CUBN: variants seen among roughly 807,000 people sequenced by gnomAD.
The protein encoded by CUBN is cubilin.
A neutral mutation model predicts 405.3 loss-of-function variants in CUBN; 282 were observed. That is an observed-to-expected ratio of 0.70 (90% confidence interval 0.63 to 0.77). CUBN has a LOEUF of 0.77. Ranked by LOEUF, CUBN falls within the 30% of genes least tolerant of loss-of-function variation. The probability of loss-of-function intolerance (pLI) is 0.00; values close to 1 mark genes in which losing one functional copy is unlikely to be tolerated. For missense variants in CUBN, 4,514 were observed against 4,475.2 expected (o/e 1.01, Z -0.25); for synonymous variants, 1,684 against 1,617.0 (o/e 1.04, Z -0.99).
intron 4 of CUBN, among the ~76,000 whole-genome samples, chr10:17,125,039 C>T (rs1206886191): frequency 6.6e-6 from 1 of 151,740 alleles, no homozygotes; most frequent in African/African-American, 2.4e-5. Context: ...ACCATGTTGA[C>T]CAGGCTGATC....
intron 47 of CUBN, 100 bp downstream of exon 47, chr10:16,914,932 T>G: frequency 2.0e-6 from 2 of 1,019,558 alleles, no homozygotes; most frequent in Non-Finnish European, 3.0e-6. Flanking sequence ...ATAGGGGTCA[T>G]GTTTTGTTTT....
intron 54 of CUBN, among the ~76,000 whole-genome samples, chr10:16,892,048 C>T (rs1438050372): frequency 6.6e-6 from 1 of 152,144 alleles, no homozygotes; most frequent in Non-Finnish European, 1.5e-5. Context: ...GGATATTCCT[C>T]ACCCACAGCA....
chr10:16,884,720 C>T (rs1422857454), intron 56 of CUBN, among the ~76,000 whole-genome samples: 1 of 152,126 alleles, frequency 6.6e-6, no homozygotes, highest in Non-Finnish European at 1.5e-5. Context: ...CATGGTAAAA[C>T]CCTCCCTAAG....
rs1180577324 is a variant in CUBN at position 17,071,973 on chromosome 10, T to C, written c.2302-2A>G. On this transcript the variant is annotated splice_acceptor_variant, in intron 17 of 66. Coordinates refer to ENST00000377833, the MANE Select transcript of CUBN (RefSeq NM_001081.4). LOFTEE classifies it high-confidence loss of function. ...AAGTAAGGTTTCACCATCTCGAACC[T>C]AAAGAGAAAAATAAAATAGAGATGT... 2 of 1,609,010 alleles carry C rather than the reference T, an allele frequency of 1.2e-6. No individual in the cohort carries two copies. The highest frequency in any genetic ancestry group is 1.7e-6 in the Non-Finnish European group (2 of 1,177,310).
chr10:17,017,459 G>A (rs553620913), intron 28 of CUBN, among the ~76,000 whole-genome samples: 4 of 152,246 alleles, frequency 2.6e-5, no homozygotes, highest in South Asian at 4.1e-4. Flanking sequence ...GACCTTACCC[G>A]CATCGTATAA....
At chr10:16,916,230 A>G (rs921486782) in intron 45 of CUBN, among the ~76,000 whole-genome samples, 200 bp from the exon 46 acceptor site, 5 of 152,244 alleles carry the variant, frequency 3.3e-5, no homozygotes, top group African/African-American at 9.6e-5. Flanking sequence ...TGATGTAAAC[A>G]GAAATGATAC....
rs188612030 is a variant in CUBN, at chr10:17,113,761, G to C, written c.883+266C>G. On this transcript the variant is annotated intron_variant, in intron 8 of 66. Coordinates refer to ENST00000377833, the MANE Select transcript of CUBN (RefSeq NM_001081.4). ...TTTTGATCTCAAATCTGGTCAGTTG[G>C]TGGTCACTGCAATGCAGTGTCTAAC... is the stretch of plus-strand genomic sequence containing the variant. 1.7e-3 allele frequency among the ~76,000 whole-genome samples: 265 copies of C among 152,338 alleles called. 1 individual carries two copies. Among genetic ancestry groups the C allele is most frequent in the Non-Finnish European group, 3.2e-3 (216 of 68,032 alleles).
intron 60 of CUBN, among the ~76,000 whole-genome samples, chr10:16,841,336 G>A (rs150021775): frequency 1.2e-4 from 19 of 152,142 alleles, no homozygotes; most frequent in Middle Eastern, 3.4e-3. Flanking sequence ...CCTCTGCACC[G>A]ACTCACACTA....
At chr10:16,829,329 T>G (rs1838897596) in intron 65 of CUBN, among the ~76,000 whole-genome samples, 2 of 128,428 alleles carry the variant, frequency 1.6e-5, no homozygotes, top group Admixed American at 8.9e-5. Flanking sequence ...AATTGGGGGT[T>G]GAGAGCAGAA....
At chr10:16,917,206 C>T (rs192881083) in intron 45 of CUBN, among the ~76,000 whole-genome samples, 3 of 152,244 alleles carry the variant, frequency 2.0e-5, no homozygotes, top group Non-Finnish European at 2.9e-5. Context: ...AATTCAAAGA[C>T]ACTGTGCTAA....
chr10:17,111,085 A>C, intron 8 of CUBN, 35 bp from the exon 9 acceptor site: 1 of 1,612,530 alleles, frequency 6.2e-7, no homozygotes, highest in East Asian at 2.2e-5. Flanking sequence ...GTTTAGCTCT[A>C]TAGACAAGTC....
chr10:16,977,470 G>A (rs1052369454), intron 31 of CUBN, among the ~76,000 whole-genome samples: 6 of 152,078 alleles, frequency 3.9e-5, no homozygotes, highest in African/African-American at 1.4e-4. Flanking sequence ...AGAAGAAATC[G>A]GCCATGGGAC....
chr10:17,091,321 C>T (rs555148727), intron 14 of CUBN, among the ~76,000 whole-genome samples: 7 of 151,698 alleles, frequency 4.6e-5, no homozygotes, highest in Non-Finnish European at 5.9e-5. Flanking sequence ...GTACAGATAT[C>T]GAAAACAAAA....
At chr10:16,851,144 T>C in intron 60 of CUBN, 91 bp downstream of exon 60, 4 of 1,081,810 alleles carry the variant, frequency 3.7e-6, no homozygotes, top group Non-Finnish European at 5.7e-6. Flanking sequence ...TACTCAAAAT[T>C]AGCAGGACTT....
rs904311001 is a variant in CUBN at position 16,993,575 on chromosome 10, T to C, written c.4169-3060A>G. Among the ~76,000 whole-genome samples the C allele has an allele frequency of 6.3e-4, 96 of 152,190 alleles. 1 individual carries two copies. The highest frequency in any genetic ancestry group is 7.3e-5 in the Non-Finnish European group (5 of 68,050). On this transcript the variant is annotated intron_variant, in intron 28 of 66. Coordinates refer to ENST00000377833, the MANE Select transcript of CUBN (RefSeq NM_001081.4). ...TTAAAGCAAATAATCCACAAGGTTT[T>C]CTTTAATAAAAAGAGCAAAATTTTA...
chr10:16,892,935 C>T (rs1021889867), intron 54 of CUBN, among the ~76,000 whole-genome samples: 1 of 152,090 alleles, frequency 6.6e-6, no homozygotes, highest in African/African-American at 2.4e-5. Context: ...ATTATAGATT[C>T]GACAACTCTA....
chr10:16,992,562 CT>C (rs1433200790), intron 28 of CUBN, among the ~76,000 whole-genome samples: 2 of 151,262 alleles, frequency 1.3e-5, no homozygotes, highest in African/African-American at 4.9e-5. Context: ...AGAAGAAAAG[CT>C]TTTAAAAGTT....
In CUBN at chr10:16,925,852, G is replaced by A. The variant is rs1842175029; in HGVS notation, c.6272-78C>T. 4 of 1,359,442 alleles carry A rather than the reference G, an allele frequency of 2.9e-6. No homozygotes were observed. In the East Asian group the frequency reaches 7.0e-5, roughly 24 times the overall value. 84.2% of individuals were successfully genotyped at this position (1,359,442 alleles called of 1,614,324 possible). The stretch of plus-strand genomic sequence containing the variant: ...TTTTATGCTTTCTTAGTTTTCTTGG[G>A]GGGTTTTCAAAGTGGAGGCAATAAA... On this transcript the variant is annotated intron_variant, in intron 41 of 66. Coordinates refer to ENST00000377833, the MANE Select transcript of CUBN (RefSeq NM_001081.4).
chr10:16,913,739 G>C (rs998720727), intron 48 of CUBN, 72 bp downstream of exon 48: 4 of 1,578,466 alleles, frequency 2.5e-6, no homozygotes, highest in Non-Finnish European at 3.5e-6. Context: ...CTAGTTTTCT[G>C]ACTATGATTT....
Sources: allele counts gnomAD v4.1 joint callset (sites outside exome capture counted in the v4.1 genomes callset), GRCh38; gene constraint gnomAD v4.1.1; transcripts MANE v1.5; gene names NCBI Gene and HGNC (gene_info 2026-07-23, HGNC 2026-07-21).